IMMP2L: variants seen among roughly 807,000 people sequenced by gnomAD.
IMMP2L encodes the protein mitochondrial inner membrane protease subunit 2.
IMMP2L carries 18 observed loss-of-function variants against 19.3 expected under a neutral mutation model. That is an observed-to-expected ratio of 0.93 (90% CI 0.64 to 1.38). IMMP2L has a LOEUF of 1.38. Ranked by LOEUF, IMMP2L falls within the 40% of genes most tolerant of loss-of-function variation. The pLI is 0.00. For missense variants in IMMP2L, 233 were observed against 218.2 expected, an observed-to-expected ratio of 1.07 and a Z score of -0.43; for synonymous variants, 76 against 73.0, an observed-to-expected ratio of 1.04 and a Z score of -0.21.
intron 3 of IMMP2L, among the ~76,000 whole-genome samples, chr7:111,049,086 T>C (rs1011054845): frequency 6.6e-6 from 1 of 151,506 alleles, no homozygotes; most frequent in Non-Finnish European, 1.5e-5. Flanking sequence ...ACTGCTCTGT[T>C]TAAGCTTAGG....
At chr7:111,008,043 C>T (rs1427495777) in intron 3 of IMMP2L, among the ~76,000 whole-genome samples, 1 of 152,074 alleles carries the variant, frequency 6.6e-6, no homozygotes, top group Non-Finnish European at 1.5e-5. Flanking sequence ...AACTACTTCT[C>T]ACCATTTCCA....
intron 2 of IMMP2L, among the ~76,000 whole-genome samples, chr7:111,515,350 G>T (rs1410879952): frequency 6.6e-6 from 1 of 152,024 alleles, no homozygotes; most frequent in Non-Finnish European, 1.5e-5. Flanking sequence ...TTTTGCTTTA[G>T]TCTACCCATT....
At chr7:110,886,349 T>C (rs1810219832) in intron 5 of IMMP2L, among the ~76,000 whole-genome samples, 1 of 152,130 alleles carries the variant, frequency 6.6e-6, no homozygotes, top group South Asian at 2.1e-4. Context: ...AAGCATTTTT[T>C]GGTACTTTGT....
chr7:111,129,167 A>T (rs1801608990), intron 3 of IMMP2L, among the ~76,000 whole-genome samples: 1 of 152,098 alleles, frequency 6.6e-6, no homozygotes, highest in Admixed American at 6.6e-5. Flanking sequence ...GGAGTGAAAA[A>T]ATCTCAATAA....
At chr7:111,487,405 A>G (rs751011627) in intron 2 of IMMP2L, 64 bp from the exon 3 acceptor site, 1 of 933,160 alleles carries the variant, frequency 1.1e-6, no homozygotes, top group Non-Finnish European at 1.8e-6. Context: ...TGGTTCTTGC[A>G]CTTCACAGCT....
chr7:110,918,263 A>C (rs759120882), intron 4 of IMMP2L, among the ~76,000 whole-genome samples: 2 of 152,114 alleles, frequency 1.3e-5, no homozygotes, highest in Admixed American at 6.6e-5. Flanking sequence ...ATTTAAGAAA[A>C]TGAGGAACTT....
At chr7:111,525,346 A>T (rs962916602) in intron 1 of IMMP2L, among the ~76,000 whole-genome samples, 1 of 152,124 alleles carries the variant, frequency 6.6e-6, no homozygotes, top group Non-Finnish European at 1.5e-5. Flanking sequence ...ACAGTGGGAC[A>T]TGAATGGGAG....
chr7:111,486,327 T>A (rs1842651779), intron 3 of IMMP2L, among the ~76,000 whole-genome samples: 2 of 152,196 alleles, frequency 1.3e-5, no homozygotes, highest in Non-Finnish European at 2.9e-5. Flanking sequence ...AAGCAGATGA[T>A]GTCTTGCTTT....
chr7:111,538,301 G>A lies in IMMP2L; in HGVS notation c.-2-16852C>T, dbSNP rs535670302. 2.6e-5 allele frequency among the ~76,000 whole-genome samples: 4 copies of A among 152,070 alleles called. No homozygotes were observed. The South Asian group carries it at 8.3e-4, about 32-fold the overall frequency. ...ATACTCAGAATGTGATATAAGTTCT[G>A]GAGGCCTTGATTGAACAGCACTGCA... On this transcript the variant is annotated intron_variant, in intron 1 of 5. Coordinates refer to ENST00000405709, the MANE Select transcript of IMMP2L (RefSeq NM_032549.4).
intron 3 of IMMP2L, among the ~76,000 whole-genome samples, chr7:111,292,740 A>AT (rs1821244587): frequency 6.6e-6 from 1 of 151,996 alleles, no homozygotes; most frequent in South Asian, 2.1e-4. Context: ...AATATTGAAC[A>AT]TTTTTTGGAG....
intron 5 of IMMP2L, among the ~76,000 whole-genome samples, chr7:110,762,990 C>G (rs1409711353): frequency 6.6e-6 from 1 of 152,052 alleles, no homozygotes; most frequent in Non-Finnish European, 1.5e-5. Flanking sequence ...ATAAAACCAT[C>G]CTTTGAGCTG....
chr7:111,346,783 T>C (rs1827608652), intron 3 of IMMP2L, among the ~76,000 whole-genome samples: 1 of 152,120 alleles, frequency 6.6e-6, no homozygotes, highest in South Asian at 2.1e-4. Flanking sequence ...GGTGATGCTT[T>C]AGATTTGTAA....
intron 3 of IMMP2L, among the ~76,000 whole-genome samples, chr7:111,423,521 C>A (rs1033365329): frequency 4.0e-5 from 6 of 151,850 alleles, no homozygotes; most frequent in African/African-American, 1.5e-4. Flanking sequence ...TTATAGTATT[C>A]TCTGATGGTA....
intron 3 of IMMP2L, among the ~76,000 whole-genome samples, chr7:110,977,621 T>C (rs536107308): frequency 7.2e-5 from 11 of 152,082 alleles, no homozygotes; most frequent in Non-Finnish European, 1.2e-4. Context: ...TGCCACCAAA[T>C]AGCAAGCTTG....
intron 3 of IMMP2L, among the ~76,000 whole-genome samples, chr7:111,316,845 CTTTTTTTTTT>C (rs869155077): frequency 4.0e-5 from 3 of 75,896 alleles, no homozygotes; most frequent in East Asian, 4.5e-4. Flanking sequence ...TTTTTTTTTT[CTTTTTTTTTT>C]TTTTTTTTTT....
intron 3 of IMMP2L, among the ~76,000 whole-genome samples, chr7:111,465,904 A>G (rs1207835990): frequency 6.6e-6 from 1 of 152,190 alleles, no homozygotes; most frequent in African/African-American, 2.4e-5. Flanking sequence ...TATTCACAAT[A>G]GCAAAGACTT....
At chr7:111,067,370 A>G (rs990672830) in intron 3 of IMMP2L, among the ~76,000 whole-genome samples, 2 of 152,196 alleles carry the variant, frequency 1.3e-5, no homozygotes, top group African/African-American at 4.8e-5. Flanking sequence ...GATGACATAA[A>G]TAGGCGTAAC....
chr7:110,970,568 T>C (rs1820042301), intron 3 of IMMP2L, among the ~76,000 whole-genome samples: 2 of 152,144 alleles, frequency 1.3e-5, no homozygotes, highest in Non-Finnish European at 2.9e-5. Context: ...ATATATTGAA[T>C]ATGCTTAAAG....
At chr7:110,869,556 G>T (rs1056727069) in intron 5 of IMMP2L, among the ~76,000 whole-genome samples, 7 of 152,082 alleles carry the variant, frequency 4.6e-5, no homozygotes, top group Admixed American at 6.6e-5. Flanking sequence ...GCCCCTATAA[G>T]CCAGTGTTTC....
Sources: allele counts gnomAD v4.1 joint callset (sites outside exome capture counted in the v4.1 genomes callset), GRCh38; gene constraint gnomAD v4.1.1; transcripts MANE v1.5; gene names NCBI Gene and HGNC (gene_info 2026-07-23, HGNC 2026-07-21).